Variants in SBF2 observed in about 807,000 individuals in gnomAD.
SBF2 encodes the protein SET binding factor 2.
SBF2 carries 112 observed loss-of-function variants against 225.2 expected under a neutral mutation model. That is an observed-to-expected ratio of 0.50 (90% CI 0.43 to 0.58). The LOEUF (loss-of-function observed/expected upper bound fraction) is 0.58, where lower values mean the gene tolerates loss of function less well. Among genes scored for constraint, SBF2 ranks in the 20% least tolerant of loss-of-function variants. SBF2 has a pLI of 0.00. For synonymous variants in SBF2, 763 were observed against 773.3 expected, an observed-to-expected ratio of 0.99 and a Z score of 0.22; for missense variants, 1,996 against 2,206.2, an observed-to-expected ratio of 0.90 and a Z score of 1.91.
At chr11:9,791,476 T>C (rs1852739551) in intron 33 of SBF2, among the ~76,000 whole-genome samples, 1 of 149,824 alleles carries the variant, frequency 6.7e-6, no homozygotes, top group South Asian at 2.1e-4. Context: ...TTCTATAATA[T>C]GTGGGGCCCC....
At chr11:10,191,715 A>G (rs1291479517) in intron 2 of SBF2, among the ~76,000 whole-genome samples, 3 of 152,198 alleles carry the variant, frequency 2.0e-5, no homozygotes, top group African/African-American at 4.8e-5. Context: ...GACTCCACTT[A>G]TTGGAGAAAC....
chr11:9,980,737 C>T (rs779411016), intron 13 of SBF2, among the ~76,000 whole-genome samples: 20 of 151,952 alleles, frequency 1.3e-4, no homozygotes, highest in Non-Finnish European at 2.2e-4. Context: ...TGACACCGCG[C>T]CCGGCTAATT....
Position 10,015,816 on chromosome 11 carries a change from T to C in SBF2, c.619+12636A>G, listed in dbSNP as rs541041377. Among the ~76,000 whole-genome samples the C allele has an allele frequency of 3.3e-5, 5 of 152,272 alleles. No individual in the cohort carries two copies. The East Asian group carries it at 7.7e-4, about 23-fold the overall frequency. On this transcript the variant is annotated intron_variant, in intron 6 of 39. Transcript: ENST00000256190. ...GAAAAACTTGTCCCTCTTTGCTTTT[T>C]TTTTTGAGACGGAGTCTCACTCTGT...
At chr11:9,987,682 G>A (rs1458394724) in intron 13 of SBF2, among the ~76,000 whole-genome samples, 1 of 151,500 alleles carries the variant, frequency 6.6e-6, no homozygotes, top group Admixed American at 6.6e-5. Context: ...CTGCAAAAAA[G>A]TTAAAATCCT....
At chr11:10,122,952 A>G (rs1270810006) in intron 2 of SBF2, among the ~76,000 whole-genome samples, 2 of 152,212 alleles carry the variant, frequency 1.3e-5, no homozygotes, top group Non-Finnish European at 2.9e-5. Context: ...GTAGTTACAC[A>G]CACACATACA....
chr11:10,119,988 T>C (rs571401735), intron 2 of SBF2, among the ~76,000 whole-genome samples: 23 of 152,360 alleles, frequency 1.5e-4, no homozygotes, highest in African/African-American at 5.3e-4. Flanking sequence ...GGTAAATGTA[T>C]AGTTCAGTAG....
chr11:10,223,031 C>T (rs917216570), intron 1 of SBF2, among the ~76,000 whole-genome samples: 2 of 151,938 alleles, frequency 1.3e-5, no homozygotes, highest in African/African-American at 4.8e-5. Context: ...CTGTTTACCT[C>T]TCAAACTGTA....
At chr11:10,047,585 TTCTATCCCCATC>T (rs1271793560) in intron 2 of SBF2, among the ~76,000 whole-genome samples, 3 of 152,302 alleles carry the variant, frequency 2.0e-5, no homozygotes, top group Non-Finnish European at 2.9e-5. Flanking sequence ...CAACCCATGT[TTCTATCCCCATC>T]TCTTTGACAT....
At chr11:10,103,675 T>G (rs923496089) in intron 2 of SBF2, among the ~76,000 whole-genome samples, 57 of 152,226 alleles carry the variant, frequency 3.7e-4, no homozygotes, top group African/African-American at 1.4e-3. Flanking sequence ...TTCTGATAAC[T>G]TTGAAGATGG....
rs1196157523 is a variant in SBF2 at position 9,962,952 on chromosome 11, A to T, written c.1710+821T>A. Among the ~76,000 whole-genome samples the T allele has an allele frequency of 2.6e-5, 4 of 152,216 alleles. No homozygotes were observed. The East Asian group carries it at 7.7e-4, about 29-fold the overall frequency. ...AAGAGCACTGGGTCAGTCAGTGTAA[A>T]GGTAAACATTTCTACATGCTTTAAC... On this transcript the variant is annotated intron_variant, in intron 15 of 39. Coordinates refer to ENST00000256190, the MANE Select transcript of SBF2 (RefSeq NM_030962.4).
At chr11:10,203,130 T>C (rs1177017987) in intron 1 of SBF2, among the ~76,000 whole-genome samples, 5 of 151,734 alleles carry the variant, frequency 3.3e-5, no homozygotes, top group Non-Finnish European at 4.4e-5. Flanking sequence ...ACTGAAGCAA[T>C]TGAGGTGGGA....
intron 2 of SBF2, among the ~76,000 whole-genome samples, chr11:10,060,154 G>A (rs142152565): frequency 2.6e-4 from 40 of 152,180 alleles, no homozygotes; most frequent in African/African-American, 9.6e-4. Flanking sequence ...GAAGAAAAGA[G>A]AGAAAACCCA....
At chr11:10,071,263 C>CTTT (rs774979361) in intron 2 of SBF2, among the ~76,000 whole-genome samples, 10,525 of 123,296 alleles carry the variant, frequency 0.085, 732 homozygotes, top group Non-Finnish European at 0.13. Context: ...TTCTCTCTCT[C>CTTT]TCTTTTTTTT....
intron 16 of SBF2, among the ~76,000 whole-genome samples, chr11:9,912,261 G>A (rs1256672070): frequency 1.5e-5 from 2 of 136,176 alleles, no homozygotes; most frequent in Admixed American, 7.7e-5. Context: ...GCAGTGAGCC[G>A]AGATCACTCC....
intron 2 of SBF2, among the ~76,000 whole-genome samples, chr11:10,107,519 C>T (rs1952606778): frequency 6.6e-6 from 1 of 152,192 alleles, no homozygotes; most frequent in African/African-American, 2.4e-5. Context: ...TGGTTTTAAA[C>T]AACATAGATT....
In SBF2 at chr11:9,856,441, T is replaced by G; in HGVS notation, c.2363+17A>C. On this transcript the variant is annotated intron_variant, in intron 19 of 39. Transcript: ENST00000256190. ...AAGAAGAGTAGGAGGAGGGTCTGTG[T>G]GTTCACATTTTGGTACCTGTTTGTG... is the stretch of plus-strand genomic sequence containing the variant. 6.2e-7 allele frequency: 1 copy of G among 1,613,280 alleles called. No individual in the cohort carries two copies. The highest frequency in any genetic ancestry group is 8.5e-7 in the Non-Finnish European group (1 of 1,180,008).
rs1398173886 is a variant in SBF2, at chr11:9,846,099, T to C, written c.2935-359A>G. Among the ~76,000 whole-genome samples, 4 of 152,248 alleles carry C rather than the reference T, an allele frequency of 2.6e-5. No individual in the cohort carries two copies. In the East Asian group the frequency reaches 7.7e-4, roughly 29 times the overall value. On this transcript the variant is annotated intron_variant, in intron 23 of 39. Transcript: ENST00000256190. Reference sequence around the variant, plus strand: ...TCTCTTCCTACCCAGATACAACAAATGTAGGAAGAAAAGAAATCCATTTGA... The same window carrying C: ...TCTCTTCCTACCCAGATACAACAAACGTAGGAAGAAAAGAAATCCATTTGA...
chr11:10,220,919 C>G (rs947588321), intron 1 of SBF2, among the ~76,000 whole-genome samples: 2 of 152,116 alleles, frequency 1.3e-5, no homozygotes, highest in South Asian at 4.2e-4. Flanking sequence ...CTTGGCACAT[C>G]CTATTTCTCA....
Position 10,230,246 on chromosome 11 carries a change from G to C in SBF2, c.56-36259C>G, listed in dbSNP as rs546842887. On this transcript the variant is annotated intron_variant, in intron 1 of 39. Transcript: ENST00000256190. ...GTTTCCTGAATACAGAACACTGATG[G>C]GTCTTGACTCTTTATCCAATTTGCC... is the stretch of plus-strand genomic sequence containing the variant. 5.3e-5 allele frequency among the ~76,000 whole-genome samples: 8 copies of C among 152,200 alleles called. No homozygotes were observed. The South Asian group carries it at 1.7e-3, about 32-fold the overall frequency.
Sources: gnomAD v4.1 joint callset for allele counts (sites outside exome capture counted in the v4.1 genomes callset) on GRCh38, gnomAD v4.1.1 for gene constraint, MANE v1.5 for transcripts, NCBI Gene and HGNC (gene_info 2026-07-23, HGNC 2026-07-21) for gene names.